Variants in FYB2 observed in about 807,000 individuals in gnomAD.
FYB2 encodes FYN binding protein 2, also known as FYN-binding protein 2.
FYB2 carries 103 observed loss-of-function variants against 94.1 expected under a neutral mutation model. The ratio of observed to expected loss-of-function variants is 1.09; its 90% CI spans 0.93 to 1.29. FYB2 has a LOEUF of 1.29. Ranked by LOEUF, FYB2 falls within the 50% of genes most tolerant of loss-of-function variation. The pLI is 0.00. For synonymous variants in FYB2, 293 were observed against 287.9 expected (o/e 1.02, Z -0.18); for missense variants, 896 against 841.5 (o/e 1.06, Z -0.80).
intron 1 of FYB2, among the ~76,000 whole-genome samples, chr1:56,800,289 A>AGCCCTTT: frequency 6.6e-6 from 1 of 152,298 alleles, no homozygotes; most frequent in South Asian, 2.1e-4. Context: ...CATGACTAAA[A>AGCCCTTT]GGGCTTCAAT....
intron 12 of FYB2, 27 bp downstream of exon 12, chr1:56,742,134 A>G (rs1287172992): frequency 1.3e-6 from 2 of 1,587,992 alleles, no homozygotes; most frequent in South Asian, 1.1e-5. Context: ...TCATTAGCCT[A>G]CAAAGCCAAG....
intron 4 of FYB2, among the ~76,000 whole-genome samples, chr1:56,774,581 T>A (rs186964499): frequency 3.3e-5 from 5 of 152,186 alleles, no homozygotes; most frequent in African/African-American, 1.2e-4. Flanking sequence ...TGTGTATATA[T>A]GTTTTTACAT....
intron 1 of FYB2, among the ~76,000 whole-genome samples, chr1:56,816,546 T>A (rs530432153): frequency 1.3e-5 from 2 of 152,318 alleles, no homozygotes; most frequent in African/African-American, 4.8e-5. Context: ...GATGGGAACA[T>A]GGGCACCACC....
Position 56,751,215 on chromosome 1 carries a change from C to T in FYB2, c.1228-12G>A, listed in dbSNP as rs565924550. On this transcript the variant is annotated splice_polypyrimidine_tract_variant and intron_variant, in intron 8 of 19. Transcript: ENST00000343433. The stretch of plus-strand genomic sequence containing the variant: ...TCACAGGCATCTACCTAAACATATG[C>T]AAAAGGGAGAATACTGTAGGGCTGT... The T allele has an allele frequency of 1.0e-4, 169 of 1,611,410 alleles. 2 individuals are homozygous for T. In the South Asian group the frequency reaches 1.7e-3, roughly 16 times the overall value.
At chr1:56,784,789 A>G (rs1409129684) in intron 4 of FYB2, among the ~76,000 whole-genome samples, 1 of 152,136 alleles carries the variant, frequency 6.6e-6, no homozygotes, top group African/African-American at 2.4e-5. Context: ...CCACCCATCA[A>G]CTACATCTCA....
intron 8 of FYB2, 32 bp from the exon 9 acceptor site, chr1:56,751,235 G>A (rs770189160): frequency 6.2e-7 from 1 of 1,600,438 alleles, no homozygotes; most frequent in South Asian, 1.1e-5. Flanking sequence ...AATACTGTAG[G>A]GCTGTGACTT....
chr1:56,728,283 G>A (rs540898012), intron 15 of FYB2, among the ~76,000 whole-genome samples: 1 of 151,926 alleles, frequency 6.6e-6, no homozygotes, highest in Non-Finnish European at 1.5e-5. Context: ...TTTCAGCTTG[G>A]CACAAAGATT....
At chr1:56,758,585 T>C in intron 6 of FYB2, 131 bp downstream of exon 6, 1 of 693,584 alleles carries the variant, frequency 1.4e-6, no homozygotes. Flanking sequence ...AGCTGGAGTC[T>C]GGAAAATCCT....
intron 15 of FYB2, among the ~76,000 whole-genome samples, chr1:56,731,545 G>T (rs1644710634): frequency 6.6e-6 from 1 of 151,936 alleles, no homozygotes; most frequent in African/African-American, 2.4e-5. Flanking sequence ...TCAGGCTGGG[G>T]AGATTTCAGC....
Position 56,723,604 on chromosome 1 carries a change from A to G in FYB2, c.1958T>C (p.Phe653Ser), listed in dbSNP as rs778322045. 6 of 1,549,870 alleles carry G rather than the reference A, an allele frequency of 3.9e-6. No homozygotes were observed. The Admixed American group carries it at 1.0e-4, about 27-fold the overall frequency. ...KNRMKREEKL[F>S]RERFKYDKEI... ...AGAACGTACCTTAAACCTTTCTCTA[A>G]ATAGTTTTTCTTCTCTTTTCATTCT... Residue 653 changes from phenylalanine to serine, a missense_variant, in exon 17 of 20, where the codon TTT becomes TCT. Phe to Ser is a radical substitution (Grantham distance 155, BLOSUM62 -2). Coordinates refer to ENST00000343433, the MANE Select transcript of FYB2 (RefSeq NM_001004303.5).
At chr1:56,798,128 A>G (rs1355560140) in intron 1 of FYB2, among the ~76,000 whole-genome samples, 1 of 152,226 alleles carries the variant, frequency 6.6e-6, no homozygotes, top group African/African-American at 2.4e-5. Flanking sequence ...GATATTTAGA[A>G]AAGTTAGCTG....
intron 16 of FYB2, among the ~76,000 whole-genome samples, chr1:56,724,193 A>G (rs1420624368): frequency 6.6e-6 from 1 of 152,040 alleles, no homozygotes; most frequent in Non-Finnish European, 1.5e-5. Context: ...ATTGGGGATC[A>G]CAAGTCTACA....
intron 1 of FYB2, among the ~76,000 whole-genome samples, chr1:56,805,394 G>A (rs775434366): frequency 1.3e-5 from 2 of 152,190 alleles, no homozygotes; most frequent in African/African-American, 4.8e-5. Flanking sequence ...GAAAATGAAA[G>A]GTGCTTATTA....
intron 1 of FYB2, among the ~76,000 whole-genome samples, chr1:56,818,659 G>A (rs112450216): frequency 1.3e-4 from 20 of 152,184 alleles, no homozygotes; most frequent in Admixed American, 4.6e-4. Context: ...GCTGGCGTAG[G>A]GCAGGATACT....
intron 15 of FYB2, among the ~76,000 whole-genome samples, chr1:56,727,848 T>G (rs72907378): frequency 1.3e-5 from 2 of 152,238 alleles, no homozygotes; most frequent in African/African-American, 4.8e-5. Context: ...ACAAATGATT[T>G]TTTAAGAAAA....
intron 1 of FYB2, among the ~76,000 whole-genome samples, chr1:56,806,542 A>C (rs1017911261): frequency 3.3e-5 from 5 of 152,154 alleles, no homozygotes; most frequent in Non-Finnish European, 7.3e-5. Flanking sequence ...ACTTAACAAC[A>C]CAAATTTACA....
At chr1:56,733,188 T>C (rs952855324) in intron 15 of FYB2, among the ~76,000 whole-genome samples, 1 of 151,968 alleles carries the variant, frequency 6.6e-6, no homozygotes, top group African/African-American at 2.4e-5. Flanking sequence ...TCTCAAAAGA[T>C]GACATTAAAA....
chr1:56,735,690 A>G (rs533575805), intron 15 of FYB2, among the ~76,000 whole-genome samples: 83 of 152,106 alleles, frequency 5.5e-4, no homozygotes, highest in Non-Finnish European at 9.9e-4. Context: ...ATGGCTTTAT[A>G]AGGGGTTCTT....
intron 13 of FYB2, 52 bp from the exon 14 acceptor site, chr1:56,738,705 A>G: frequency 6.4e-7 from 1 of 1,568,242 alleles, no homozygotes; most frequent in Non-Finnish European, 8.8e-7. Context: ...CCATGTTTGG[A>G]AAGATGAGCT....
Sources: allele counts gnomAD v4.1 joint callset (sites outside exome capture counted in the v4.1 genomes callset), GRCh38; gene constraint gnomAD v4.1.1; transcripts MANE v1.5; gene names NCBI Gene and HGNC (gene_info 2026-07-23, HGNC 2026-07-21).